Variants in ADAMTSL3 observed in about 807,000 individuals in gnomAD.
ADAMTSL3 encodes the protein ADAMTS like 3.
In ADAMTSL3, 128 loss-of-function variants were observed where a neutral mutation model predicts 201.7. The observed-to-expected ratio is 0.63, with a 90% CI of 0.55 to 0.73. The LOEUF is 0.73. ADAMTSL3 is among the 30% of genes least tolerant of loss of function. ADAMTSL3 has a pLI of 0.00. For missense variants in ADAMTSL3, 1,990 were observed against 2,119.6 expected (o/e 0.94, Z 1.20); for synonymous variants, 738 against 748.4 (o/e 0.99, Z 0.23).
At chr15:84,008,045 T>C in intron 23 of ADAMTSL3, among the ~76,000 whole-genome samples, 1 of 152,204 alleles carries the variant, frequency 6.6e-6, no homozygotes, top group East Asian at 1.9e-4. Context: ...ATTACCTTCA[T>C]AGCTATTGTC....
intron 2 of ADAMTSL3, among the ~76,000 whole-genome samples, chr15:83,688,751 T>TACACACACACACACACACAC (rs1555430321): frequency 1.7e-5 from 2 of 114,610 alleles, no homozygotes; most frequent in Admixed American, 1.8e-4. Flanking sequence ...CACATGCATA[T>TACACACACACACACACACAC]ATATACACAC....
At chr15:83,662,588 AAAAG>A (rs747247387) in intron 2 of ADAMTSL3, among the ~76,000 whole-genome samples, 43 of 133,342 alleles carry the variant, frequency 3.2e-4, no homozygotes, top group South Asian at 1.2e-3. Flanking sequence ...AAAAAGAAAA[AAAAG>A]AAAGAAAGAA....
At chr15:83,826,139 T>C (rs1022205940) in intron 6 of ADAMTSL3, among the ~76,000 whole-genome samples, 2 of 152,058 alleles carry the variant, frequency 1.3e-5, no homozygotes, top group African/African-American at 4.8e-5. Context: ...AGGGTCTTGC[T>C]TTGTTGTCCA....
chr15:84,014,050 G>A (rs552071420), intron 23 of ADAMTSL3, among the ~76,000 whole-genome samples: 66 of 152,310 alleles, frequency 4.3e-4, no homozygotes, highest in African/African-American at 1.4e-3. Flanking sequence ...CCTGGATGTT[G>A]TATATTCTTC....
At chr15:83,805,162 A>G (rs1033038082) in intron 5 of ADAMTSL3, among the ~76,000 whole-genome samples, 2 of 152,208 alleles carry the variant, frequency 1.3e-5, no homozygotes, top group African/African-American at 4.8e-5. Context: ...ATGGAATGCT[A>G]TAGGTGACCC....
chr15:83,824,420 C>A (rs567594862), intron 6 of ADAMTSL3, among the ~76,000 whole-genome samples: 1 of 152,194 alleles, frequency 6.6e-6, no homozygotes, highest in East Asian at 1.9e-4. Flanking sequence ...GCCTCCCCTA[C>A]TATCAACATT....
Position 83,913,364 on chromosome 15 carries a change from C to T in ADAMTSL3, c.1973C>T (p.Ala658Val), listed in dbSNP as rs748224596. ...WEYAGFTPCT[A>V]TCVGGHQEAI... ...TACGCTGGGTTCACCCCTTGCACAG[C>T]AACATGCGTGGGAGGTATTTGAACC... The change falls in exon 16 of 30, where the codon GCA (alanine) becomes GTA (valine). Residue 658 changes from alanine (A) to valine (V), a missense_variant. Transcript: ENST00000286744. 1.9e-6 allele frequency: 3 copies of T among 1,613,258 alleles called. No individual in the cohort carries two copies. The highest frequency in any genetic ancestry group is 1.7e-6 in the Non-Finnish European group (2 of 1,179,992).
At chr15:83,715,733 A>G (rs1178785641) in intron 3 of ADAMTSL3, among the ~76,000 whole-genome samples, 1 of 152,166 alleles carries the variant, frequency 6.6e-6, no homozygotes, top group Non-Finnish European at 1.5e-5. Flanking sequence ...CCAACTGCTG[A>G]CCGGTATTAA....
chr15:83,835,030 C>G (rs1033356961), intron 6 of ADAMTSL3, among the ~76,000 whole-genome samples: 1 of 151,960 alleles, frequency 6.6e-6, no homozygotes, highest in Non-Finnish European at 1.5e-5. Flanking sequence ...ATCAGGAGAT[C>G]GAGACCATCC....
intron 19 of ADAMTSL3, among the ~76,000 whole-genome samples, chr15:83,962,844 C>T (rs1297261446): frequency 4.6e-5 from 7 of 152,160 alleles, no homozygotes; most frequent in Admixed American, 3.3e-4. Context: ...ACTGGTTAGA[C>T]AGAGGGTGCA....
At chr15:83,871,253 G>A (rs1037222549) in intron 9 of ADAMTSL3, among the ~76,000 whole-genome samples, 15 of 152,146 alleles carry the variant, frequency 9.9e-5, no homozygotes, top group Admixed American at 2.6e-4. Context: ...AAGAAACAGG[G>A]TCTCCCTGTG....
intron 4 of ADAMTSL3, among the ~76,000 whole-genome samples, chr15:83,788,769 A>T (rs1005445570): frequency 6.6e-6 from 1 of 151,848 alleles, no homozygotes; most frequent in Admixed American, 6.6e-5. Flanking sequence ...TATTTCCTTG[A>T]TGATTTCTTC....
intron 17 of ADAMTSL3, among the ~76,000 whole-genome samples, chr15:83,936,175 A>G (rs2066456432): frequency 6.6e-6 from 1 of 152,060 alleles, no homozygotes; most frequent in South Asian, 2.1e-4. Context: ...ATTGTCCAAC[A>G]AAACCTTGTA....
intron 20 of ADAMTSL3, among the ~76,000 whole-genome samples, chr15:83,973,260 G>T (rs1051948751): frequency 1.3e-5 from 2 of 152,064 alleles, no homozygotes; most frequent in African/African-American, 4.8e-5. Flanking sequence ...ACTCACTCCT[G>T]CTTATTTAGT....
At chr15:83,725,091 C>T (rs886408612) in intron 3 of ADAMTSL3, among the ~76,000 whole-genome samples, 2 of 150,692 alleles carry the variant, frequency 1.3e-5, no homozygotes, top group Non-Finnish European at 3.0e-5. Context: ...ATTGCTGGAA[C>T]ATGATAGTTC....
In ADAMTSL3 at chr15:83,983,237, C is replaced by T; in HGVS notation, c.3609C>T (p.Tyr1203=). ...TINSRIGNTV[Y]ITKRTEVINI... is the part of the protein sequence containing the mutation. ...ATTCCAGGATTGGAAATACAGTATA[C>T]ATTACAAAAAGGACAGAGGTCATCA... is the stretch of plus-strand genomic sequence containing the variant. Residue 1203 remains tyrosine, a synonymous_variant, in exon 21 of 30, where the codon TAC becomes TAT. Coordinates refer to ENST00000286744, the MANE Select transcript of ADAMTSL3 (RefSeq NM_207517.3). 1.2e-6 allele frequency: 2 copies of T among 1,613,608 alleles called. No individual in the cohort carries two copies.
chr15:83,837,608 C>T (rs954472052), intron 6 of ADAMTSL3, among the ~76,000 whole-genome samples: 10 of 151,822 alleles, frequency 6.6e-5, no homozygotes, highest in African/African-American at 2.2e-4. Flanking sequence ...TAGGGAGACC[C>T]TGTCTTTACA....
chr15:83,890,033 G>A lies in ADAMTSL3; in HGVS notation c.1073-76G>A, dbSNP rs111976281. The A allele has an allele frequency of 3.5e-3, 5,223 of 1,474,626 alleles. 26 individuals are homozygous for A. Among genetic ancestry groups the A allele is most frequent in the South Asian group, 4.0e-3 (301 of 75,436 alleles). 91.3% of individuals were successfully genotyped at this position (1,474,626 alleles called of 1,614,324 possible). On this transcript the variant is annotated intron_variant, in intron 10 of 29. Transcript: ENST00000286744. Reference sequence around the variant, plus strand: ...TTTCTTAAAGAGGAAAAAAAAAAGTGTGTGGCAAGTGATAACTCTGCCAAG... The same window carrying A: ...TTTCTTAAAGAGGAAAAAAAAAAGTATGTGGCAAGTGATAACTCTGCCAAG...
chr15:83,744,763 G>C (rs1446906744), intron 3 of ADAMTSL3, among the ~76,000 whole-genome samples: 1 of 152,146 alleles, frequency 6.6e-6, no homozygotes, highest in African/African-American at 2.4e-5. Context: ...CCACAAATGA[G>C]CATTAATTTT....
Sources: allele counts gnomAD v4.1 joint callset (sites outside exome capture counted in the v4.1 genomes callset), GRCh38; gene constraint gnomAD v4.1.1; transcripts MANE v1.5; gene names NCBI Gene and HGNC (gene_info 2026-07-23, HGNC 2026-07-21).